The following BEST3 variants were observed in gnomAD, a reference collection of about 807,000 sequenced individuals.
The protein encoded by BEST3 is bestrophin-3.
A neutral mutation model predicts 47.1 loss-of-function variants in BEST3; 50 were observed. The observed-to-expected ratio is 1.06, with a 90% CI of 0.85 to 1.34. BEST3 has a LOEUF of 1.34. BEST3 is among the 40% of genes most tolerant of loss of function. BEST3 has a pLI of 0.00. For synonymous variants in BEST3, 282 were observed against 298.8 expected (o/e 0.94, Z 0.58); for missense variants, 765 against 817.0 (o/e 0.94, Z 0.78).
intron 1 of BEST3, among the ~76,000 whole-genome samples, chr12:69,698,052 T>G (rs1355958549): frequency 6.6e-6 from 1 of 152,210 alleles, no homozygotes; most frequent in Non-Finnish European, 1.5e-5. Context: ...TTGCCTTAAC[T>G]GTTAAATATT....
At chr12:69,649,738 C>T (rs529337206), downstream of BEST3, among the ~76,000 whole-genome samples, 1 of 152,308 alleles carries the variant, frequency 6.6e-6, no homozygotes, top group Non-Finnish European at 1.5e-5. Flanking sequence ...GAAATACTCC[C>T]CAGCCTGACA....
At chr12:69,679,908 T>C (rs1426809133) in intron 4 of BEST3, among the ~76,000 whole-genome samples, 1 of 95,584 alleles carries the variant, frequency 1.0e-5, no homozygotes, top group African/African-American at 3.8e-5. Flanking sequence ...CATGTGTGTA[T>C]GCATGCGTGT....
chr12:69,694,341 G>A, intron 3 of BEST3, 29 bp downstream of exon 3: 2 of 1,400,944 alleles, frequency 1.4e-6, no homozygotes, highest in Non-Finnish European at 2.0e-6. Flanking sequence ...CAGCTATGTG[G>A]CTGCAATCTG....
chr12:69,692,504 C>T (rs1358671607), intron 4 of BEST3, among the ~76,000 whole-genome samples: 2 of 152,214 alleles, frequency 1.3e-5, no homozygotes, highest in Non-Finnish European at 1.5e-5. Context: ...TTGACTGTCA[C>T]CTCTCAGTGT....
intron 4 of BEST3, among the ~76,000 whole-genome samples, chr12:69,690,593 G>A (rs755148090): frequency 1.3e-4 from 20 of 152,180 alleles, no homozygotes; most frequent in Non-Finnish European, 2.8e-4. Context: ...TTTGCTTTGA[G>A]GATTGGACCC....
chr12:69,658,973 G>A (rs1205132838), intron 9 of BEST3, among the ~76,000 whole-genome samples: 1 of 152,194 alleles, frequency 6.6e-6, no homozygotes, highest in Admixed American at 6.5e-5. Flanking sequence ...TGTGGTGTGG[G>A]TAGGGGTGTC....
At chr12:69,682,035 T>A (rs906605171) in intron 4 of BEST3, among the ~76,000 whole-genome samples, 2 of 139,670 alleles carry the variant, frequency 1.4e-5, no homozygotes, top group Non-Finnish European at 3.0e-5. Context: ...TGAGCCGAGA[T>A]TGTGCCATTG....
chr12:69,645,840 A>G (rs1883014375), intron 9 of BEST3, among the ~76,000 whole-genome samples: 1 of 151,906 alleles, frequency 6.6e-6, no homozygotes, highest in African/African-American at 2.4e-5. Context: ...TTCTTTCACC[A>G]TTTAGGTCAA....
At chr12:69,680,310 C>CTTTTTTTTTTTTTTTTTTTTT (rs1555207049) in intron 4 of BEST3, among the ~76,000 whole-genome samples, 1 of 95,026 alleles carries the variant, frequency 1.1e-5, no homozygotes, top group South Asian at 3.7e-4. Flanking sequence ...TACACTTGAT[C>CTTTTTTTTTTTTTTTTTTTTT]TTTTTTTTTT....
intron 9 of BEST3, chr12:69,661,567 G>T (rs752722010): frequency 6.6e-6 from 1 of 152,096 alleles, no homozygotes; most frequent in South Asian, 2.1e-4. Context: ...CATCTGAGGC[G>T]CATGCGGCTA....
At position 69,656,104 on chromosome 12, in the gene BEST3, C is replaced by T. The variant is rs1274587015; in HGVS notation, c.1101-291G>A. ...CTGTGGAATGTCTGAAACACAAGCA[C>T]GTACAAGCACACATTCCGTTGACTG... On this transcript the variant is annotated intron_variant, in intron 9 of 9. Coordinates refer to ENST00000330891, the MANE Select transcript of BEST3 (RefSeq NM_032735.3). Among the ~76,000 whole-genome samples, 26 of 152,186 alleles carry T rather than the reference C, an allele frequency of 1.7e-4. 1 individual carries two copies. The highest frequency in any genetic ancestry group is 1.7e-3 in the Admixed American group (26 of 15,276).
chr12:69,684,424 A>T, intron 4 of BEST3: 1 of 468,106 alleles, frequency 2.1e-6, no homozygotes, highest in Non-Finnish European at 4.0e-6. Context: ...CCATTGATAG[A>T]CAAAATTCCA....
At chr12:69,673,017 A>T (rs757378762) in intron 7 of BEST3, 52 bp from the exon 8 acceptor site, 1 of 1,373,900 alleles carries the variant, frequency 7.3e-7, no homozygotes, top group South Asian at 1.2e-5. Flanking sequence ...GAAAACTCAG[A>T]ATAGAGACTG....
At chr12:69,668,290 T>TAC (rs1408582095) in intron 9 of BEST3, among the ~76,000 whole-genome samples, 5 of 152,186 alleles carry the variant, frequency 3.3e-5, no homozygotes, top group African/African-American at 1.2e-4. Context: ...GCTGGGAACA[T>TAC]ACACCTTAAA....
At position 69,655,673 on chromosome 12, in the gene BEST3, C is replaced by T. The variant is rs2042357274; in HGVS notation, c.1241G>A (p.Arg414Lys). Residue 414 changes from arginine (R) to lysine (K), a missense_variant, in exon 10 of 10, where the codon AGG becomes AAG. Coordinates refer to ENST00000330891, the MANE Select transcript of BEST3 (RefSeq NM_032735.3). ...CATGGAGCTGTCACTTGTCTGCCTC[C>T]TGTAGCTTCTTCTTCTGGGGCTGGA... The part of the protein sequence containing the change: ...HPSSPRRRSY[R>K]RQTSDSSMFL... 3 of 1,613,898 alleles carry T rather than the reference C, an allele frequency of 1.9e-6. No homozygotes were observed. Among genetic ancestry groups the T allele is most frequent in the Non-Finnish European group, 2.5e-6 (3 of 1,179,992 alleles).
intron 9 of BEST3, among the ~76,000 whole-genome samples, chr12:69,667,997 C>T (rs2135950339): frequency 6.6e-6 from 1 of 152,116 alleles, no homozygotes; most frequent in East Asian, 1.9e-4. Flanking sequence ...AAAATAGGGC[C>T]ATGTTTTGAA....
At chr12:69,684,432 C>A in intron 4 of BEST3, 1 of 467,460 alleles carries the variant, frequency 2.1e-6, no homozygotes. Context: ...AGACAAAATT[C>A]CAGTCATCAT....
intron 9 of BEST3, among the ~76,000 whole-genome samples, chr12:69,665,040 C>T (rs1021927018): frequency 6.6e-6 from 1 of 151,870 alleles, no homozygotes; most frequent in Non-Finnish European, 1.5e-5. Flanking sequence ...AGCACTACAG[C>T]GAACACCAGA....
At chr12:69,670,481 C>T (rs1474949145) in intron 9 of BEST3, 2 of 702,776 alleles carry the variant, frequency 2.8e-6, no homozygotes, top group East Asian at 5.4e-5. Flanking sequence ...GAAAGGTTTT[C>T]AGCCTCAGAG....
Sources: allele counts gnomAD v4.1 joint callset (sites outside exome capture counted in the v4.1 genomes callset), GRCh38; gene constraint gnomAD v4.1.1; transcripts MANE v1.5; gene names NCBI Gene and HGNC (gene_info 2026-07-23, HGNC 2026-07-21).